The following ZBBX variants were observed in gnomAD, a reference collection of about 807,000 sequenced individuals.
ZBBX encodes zinc finger B-box domain containing.
ZBBX carries 101 observed loss-of-function variants against 108.5 expected under a neutral mutation model. The ratio of observed to expected loss-of-function variants is 0.93; its 90% CI spans 0.79 to 1.10. The LOEUF is 1.10. ZBBX is among the 50% of genes least tolerant of loss of function. The pLI, the probability that ZBBX is intolerant of heterozygous loss-of-function variation, is 0.00. For missense variants in ZBBX, 1,009 were observed against 941.4 expected, an observed-to-expected ratio of 1.07 and a Z score of -0.94; for synonymous variants, 356 against 323.4, an observed-to-expected ratio of 1.10 and a Z score of -1.08.
chr3:167,317,643 T>C (rs1484172474), intron 12 of ZBBX, 46 bp from the exon 13 acceptor site: 2 of 1,299,046 alleles, frequency 1.5e-6, no homozygotes, highest in Non-Finnish European at 1.1e-6. Context: ...ATATATTACC[T>C]GAAACTTTCC....
chr3:167,265,831 G>T (rs897002749), intron 20 of ZBBX, among the ~76,000 whole-genome samples: 1 of 152,210 alleles, frequency 6.6e-6, no homozygotes, highest in African/African-American at 2.4e-5. Flanking sequence ...ATGGGCACTG[G>T]CTGAGCCCAG....
At chr3:167,361,708 T>A (rs1394805303) in intron 6 of ZBBX, among the ~76,000 whole-genome samples, 1 of 152,196 alleles carries the variant, frequency 6.6e-6, no homozygotes, top group Non-Finnish European at 1.5e-5. Flanking sequence ...AAATCATCAA[T>A]TTTTCTATGA....
intron 2 of ZBBX, among the ~76,000 whole-genome samples, chr3:167,375,011 T>G (rs774783311): frequency 8.5e-5 from 13 of 152,136 alleles, no homozygotes; most frequent in Non-Finnish European, 1.8e-4. Context: ...CAATAATGAG[T>G]GGCTTTAAAT....
At chr3:167,362,566 A>G (rs1322368132) in intron 6 of ZBBX, among the ~76,000 whole-genome samples, 1 of 152,048 alleles carries the variant, frequency 6.6e-6, no homozygotes, top group Non-Finnish European at 1.5e-5. Flanking sequence ...CCAAGCCCCC[A>G]CTGCCATTCC....
chr3:167,340,840 GA>G (rs1740416909), intron 9 of ZBBX, among the ~76,000 whole-genome samples: 1 of 151,832 alleles, frequency 6.6e-6, no homozygotes, highest in Non-Finnish European at 1.5e-5. Flanking sequence ...AATACATAGA[GA>G]AACAGGAGGA....
intron 11 of ZBBX, among the ~76,000 whole-genome samples, chr3:167,324,901 C>T (rs1395397372): frequency 6.6e-6 from 1 of 152,116 alleles, no homozygotes; most frequent in Non-Finnish European, 1.5e-5. Context: ...CTTCCAACTT[C>T]TTCTTCTACA....
chr3:167,255,608 G>T (rs1723373220), intron 20 of ZBBX, among the ~76,000 whole-genome samples: 2 of 151,944 alleles, frequency 1.3e-5, no homozygotes, highest in Admixed American at 1.3e-4. Flanking sequence ...CATATAGTTA[G>T]AAATGGCCTC....
At chr3:167,348,295 G>GGAAGGAAGGA (rs1560162727) in intron 9 of ZBBX, among the ~76,000 whole-genome samples, 1 of 102,640 alleles carries the variant, frequency 9.7e-6, no homozygotes, top group African/African-American at 3.8e-5. Flanking sequence ...AGGAAGGAAA[G>GGAAGGAAGGA]AAGAAAGAGA....
At chr3:167,391,578 A>G (rs867020003) in intron 1 of ZBBX, among the ~76,000 whole-genome samples, 1 of 151,720 alleles carries the variant, frequency 6.6e-6, no homozygotes, top group Non-Finnish European at 1.5e-5. Flanking sequence ...TCCTCTTTGT[A>G]CCTCTGGTAG....
intron 9 of ZBBX, among the ~76,000 whole-genome samples, chr3:167,344,869 C>T (rs1469745660): frequency 2.0e-5 from 3 of 151,770 alleles, no homozygotes; most frequent in African/African-American, 7.3e-5. Context: ...AGAGGTTACA[C>T]TTACCATAAG....
At chr3:167,311,134 G>T (rs1734517941) in intron 16 of ZBBX, among the ~76,000 whole-genome samples, 1 of 152,142 alleles carries the variant, frequency 6.6e-6, no homozygotes, top group South Asian at 2.1e-4. Flanking sequence ...ACAGAATAGA[G>T]AATCCTGAGT....
intron 18 of ZBBX, among the ~76,000 whole-genome samples, chr3:167,296,962 T>C (rs1057510041): frequency 1.3e-5 from 2 of 152,032 alleles, no homozygotes; most frequent in African/African-American, 2.4e-5. Flanking sequence ...TCACACTTTC[T>C]GATTTCAAAA....
At chr3:167,297,463 G>A (rs1399087900) in intron 18 of ZBBX, among the ~76,000 whole-genome samples, 2 of 151,914 alleles carry the variant, frequency 1.3e-5, no homozygotes, top group Non-Finnish European at 2.9e-5. Context: ...CAGGACATTG[G>A]CTTTGGAAAT....
At chr3:167,336,427 C>T (rs1295423995) in intron 9 of ZBBX, among the ~76,000 whole-genome samples, 1 of 152,036 alleles carries the variant, frequency 6.6e-6, no homozygotes, top group Non-Finnish European at 1.5e-5. Context: ...TACTCTTAAA[C>T]ATTACTTTTC....
intron 18 of ZBBX, among the ~76,000 whole-genome samples, chr3:167,297,749 GTATATAC>G (rs1731920593): frequency 6.6e-6 from 1 of 151,824 alleles, no homozygotes; most frequent in South Asian, 2.1e-4. Context: ...TCTCCAAAGA[GTATATAC>G]AAATTACTTA....
intron 19 of ZBBX, 32 bp downstream of exon 19, chr3:167,288,835 A>C: frequency 6.8e-7 from 1 of 1,460,718 alleles, no homozygotes; most frequent in Non-Finnish European, 9.3e-7. Context: ...TAAGCTGCCA[A>C]CATGGCACTG....
chr3:167,381,575 C>G (rs1390505173), upstream of ZBBX, among the ~76,000 whole-genome samples: 2 of 152,130 alleles, frequency 1.3e-5, no homozygotes, highest in Non-Finnish European at 1.5e-5. Flanking sequence ...AACTTTAATA[C>G]AAGAACTAGT....
chr3:167,255,227 C>A (rs757675172), intron 20 of ZBBX, among the ~76,000 whole-genome samples: 28 of 151,782 alleles, frequency 1.8e-4, no homozygotes, highest in African/African-American at 6.0e-4. Context: ...CAGGGTCAGA[C>A]GACAACAGGA....
intron 14 of ZBBX, among the ~76,000 whole-genome samples, chr3:167,316,150 C>G (rs114452432): frequency 3.3e-5 from 5 of 152,016 alleles, no homozygotes; most frequent in African/African-American, 1.2e-4. Context: ...CATAAACTTA[C>G]GCTGTGTATC....
Sources: gnomAD v4.1 joint callset for allele counts (sites outside exome capture counted in the v4.1 genomes callset) on GRCh38, gnomAD v4.1.1 for gene constraint, MANE v1.5 for transcripts, NCBI Gene and HGNC (gene_info 2026-07-23, HGNC 2026-07-21) for gene names.